Variants in SNX24 observed in about 807,000 individuals in gnomAD.
SNX24 encodes sorting nexin-24.
A neutral mutation model predicts 28.7 loss-of-function variants in SNX24; 22 were observed. The ratio of observed to expected loss-of-function variants is 0.77; its 90% CI spans 0.55 to 1.10. The LOEUF is 1.10. Ranked by LOEUF, SNX24 falls within the 50% of genes least tolerant of loss-of-function variation. The pLI, the probability that SNX24 is intolerant of heterozygous loss-of-function variation, is 0.00. For missense variants in SNX24, 221 were observed against 201.1 expected (o/e 1.10, Z -0.60); for synonymous variants, 69 against 71.5 (o/e 0.96, Z 0.18).
At chr5:122,854,392 C>T (rs187404) in intron 1 of SNX24, among the ~76,000 whole-genome samples, 26,812 of 151,684 alleles carry the variant, frequency 0.18, 2,840 homozygotes, top group East Asian at 0.48. Context: ...CCTGTAGTCC[C>T]AGCTACTTGG....
chr5:122,909,856 C>T (rs1368610298), intron 1 of SNX24, among the ~76,000 whole-genome samples: 1 of 152,176 alleles, frequency 6.6e-6, no homozygotes, highest in Non-Finnish European at 1.5e-5. Context: ...TGCGCCATTA[C>T]TACAGGCAGA....
chr5:122,869,331 T>A (rs1322005534), intron 1 of SNX24, among the ~76,000 whole-genome samples: 2 of 152,264 alleles, frequency 1.3e-5, no homozygotes, highest in African/African-American at 4.8e-5. Flanking sequence ...TGTTATCATT[T>A]AAATATGCTT....
chr5:122,959,298 T>TC (rs748073011), intron 3 of SNX24, among the ~76,000 whole-genome samples: 7 of 151,088 alleles, frequency 4.6e-5, no homozygotes, highest in African/African-American at 1.7e-4. Context: ...TTTTTTTTTT[T>TC]CGTGTATTCC....
intron 1 of SNX24, among the ~76,000 whole-genome samples, chr5:122,847,954 GGAATATAGCAGT>G: frequency 1.3e-5 from 2 of 151,864 alleles, no homozygotes; most frequent in East Asian, 3.9e-4. Flanking sequence ...CTGGGTGTAG[GGAATATAGCAGT>G]GAATAAGCTA....
At chr5:122,922,660 T>C (rs1758489172) in intron 1 of SNX24, among the ~76,000 whole-genome samples, 2 of 152,314 alleles carry the variant, frequency 1.3e-5, no homozygotes, top group African/African-American at 4.8e-5. Flanking sequence ...ATCCTCTCAA[T>C]GCTGCCTTCT....
At chr5:122,936,851 A>C (rs1036726755) in intron 2 of SNX24, 34 bp downstream of exon 2, 1 of 1,329,452 alleles carries the variant, frequency 7.5e-7, no homozygotes, top group South Asian at 1.2e-5. Context: ...TCTTTTCTCT[A>C]TGTGGCAGAT....
At chr5:122,861,363 T>G (rs1455468690) in intron 1 of SNX24, among the ~76,000 whole-genome samples, 1 of 152,058 alleles carries the variant, frequency 6.6e-6, no homozygotes, top group Admixed American at 6.6e-5. Context: ...AAAAAGAAAC[T>G]TGACCCAGCC....
At chr5:122,901,814 G>C (rs1757460859) in intron 1 of SNX24, among the ~76,000 whole-genome samples, 1 of 152,116 alleles carries the variant, frequency 6.6e-6, no homozygotes, top group Non-Finnish European at 1.5e-5. Flanking sequence ...CTCCACAGCA[G>C]CCCATTTGGA....
In SNX24 at chr5:122,916,511, T is replaced by TA. The variant is rs1554072473; in HGVS notation, c.61-20222dup. The stretch of plus-strand genomic sequence containing the variant: ...TGTTTATAATATTTTGTGCTTTTTT[T>TA]ATCTTAGATGCTTTTATTCTGAGCC... On this transcript the variant is annotated intron_variant, in intron 1 of 6. Coordinates refer to ENST00000261369, the MANE Select transcript of SNX24 (RefSeq NM_014035.4). Among the ~76,000 whole-genome samples, 12 of 151,972 alleles carry TA rather than the reference T, an allele frequency of 7.9e-5. No homozygotes were observed. The East Asian group carries it at 1.4e-3, about 17-fold the overall frequency.
At chr5:122,907,308 T>TA (rs888097288) in intron 1 of SNX24, among the ~76,000 whole-genome samples, 2 of 152,036 alleles carry the variant, frequency 1.3e-5, no homozygotes, top group Non-Finnish European at 2.9e-5. Flanking sequence ...AAAAGTCTAT[T>TA]AAAAAAAATC....
chr5:122,884,012 G>C (rs1445939083), intron 1 of SNX24, among the ~76,000 whole-genome samples: 2 of 152,080 alleles, frequency 1.3e-5, no homozygotes, highest in Non-Finnish European at 2.9e-5. Context: ...TATTTTCTGT[G>C]ATAATTCCAT....
At position 122,953,150 on chromosome 5, in the gene SNX24, G is replaced by T. The variant is rs576356665; in HGVS notation, c.249+6991G>T. Reference sequence around the variant, plus strand: ...AACAGAGTCTTGCTCTGTCACCCAGGCTGGAGTGCAGTGGCACAATCTCAG... The same window carrying T: ...AACAGAGTCTTGCTCTGTCACCCAGTCTGGAGTGCAGTGGCACAATCTCAG... On this transcript the variant is annotated intron_variant, in intron 3 of 6. Transcript: ENST00000261369. 2.7e-5 allele frequency among the ~76,000 whole-genome samples: 4 copies of T among 150,648 alleles called. 1 individual carries two copies. The East Asian group carries it at 7.8e-4, about 30-fold the overall frequency.
chr5:122,885,691 T>A (rs955640896), intron 1 of SNX24, among the ~76,000 whole-genome samples: 10 of 152,124 alleles, frequency 6.6e-5, no homozygotes, highest in African/African-American at 2.4e-4. Flanking sequence ...AGCAGCCAGT[T>A]AAGGTTAAAG....
chr5:122,970,466 T>C (rs1007176095), intron 3 of SNX24, among the ~76,000 whole-genome samples: 3 of 152,096 alleles, frequency 2.0e-5, no homozygotes, highest in Non-Finnish European at 4.4e-5. Context: ...TCCAGCCTTA[T>C]TCTGCACAAA....
intron 1 of SNX24, among the ~76,000 whole-genome samples, chr5:122,906,495 T>G (rs1324631740): frequency 4.6e-5 from 7 of 152,114 alleles, no homozygotes; most frequent in Admixed American, 4.6e-4. Context: ...TTCTTTAGGG[T>G]TTATGTACTG....
At chr5:122,941,422 C>T (rs1479332011) in intron 2 of SNX24, among the ~76,000 whole-genome samples, 4 of 152,166 alleles carry the variant, frequency 2.6e-5, no homozygotes, top group Admixed American at 2.6e-4. Flanking sequence ...TGGCTACCCA[C>T]CTATCTTTGC....
chr5:122,987,998 CTCTT>C (rs1761677348), intron 3 of SNX24, among the ~76,000 whole-genome samples: 2 of 152,116 alleles, frequency 1.3e-5, no homozygotes, highest in South Asian at 4.1e-4. Context: ...AGAAAATGTT[CTCTT>C]TCTTTAAATT....
At chr5:122,870,956 C>T (rs2150051437) in intron 1 of SNX24, among the ~76,000 whole-genome samples, 1 of 152,316 alleles carries the variant, frequency 6.6e-6, no homozygotes. Flanking sequence ...CTAGCATCAC[C>T]TGGAGAGCTT....
chr5:123,024,037 C>G, intron 5 of SNX24: 2 of 1,599,638 alleles, frequency 1.3e-6, no homozygotes, highest in Non-Finnish European at 1.7e-6. Flanking sequence ...TGGTTTAATT[C>G]TGACCAGCAG....
Sources: allele counts gnomAD v4.1 joint callset (sites outside exome capture counted in the v4.1 genomes callset), GRCh38; gene constraint gnomAD v4.1.1; transcripts MANE v1.5; gene names NCBI Gene and HGNC (gene_info 2026-07-23, HGNC 2026-07-21).